TADA2A: variants seen among roughly 807,000 people sequenced by gnomAD.
The protein encoded by TADA2A is transcriptional adaptor 2A.
Under a neutral mutation model 67.4 loss-of-function variants are expected in TADA2A, and 38 were observed. That is an observed-to-expected ratio of 0.56 (90% CI 0.44 to 0.74). The LOEUF (loss-of-function observed/expected upper bound fraction) is 0.74, where lower values mean the gene tolerates loss of function less well. Ranked by LOEUF, TADA2A falls within the 30% of genes least tolerant of loss-of-function variation. The probability of loss-of-function intolerance (pLI) is 0.00; values close to 1 mark genes in which losing one functional copy is unlikely to be tolerated. For missense variants in TADA2A, 454 were observed against 547.0 expected, an observed-to-expected ratio of 0.83 and a Z score of 1.70; for synonymous variants, 192 against 181.6, an observed-to-expected ratio of 1.06 and a Z score of -0.46.
At chr17:37,466,344 C>G (rs777812064) in intron 11 of TADA2A, among the ~76,000 whole-genome samples, 1 of 152,124 alleles carries the variant, frequency 6.6e-6, no homozygotes, top group Non-Finnish European at 1.5e-5. Context: ...TGCTTGAACC[C>G]GGGTAGCCGA....
At chr17:37,417,332 C>T (rs559175963) in intron 2 of TADA2A, among the ~76,000 whole-genome samples, 15 of 149,728 alleles carry the variant, frequency 1.0e-4, no homozygotes, top group African/African-American at 2.9e-4. Context: ...GCTGAGATCG[C>T]GCCACTGCAC....
At chr17:37,437,874 A>G in intron 5 of TADA2A, 45 bp downstream of exon 5, 1 of 1,548,294 alleles carries the variant, frequency 6.5e-7, no homozygotes. Flanking sequence ...GTGGACTCAG[A>G]GAAGAAGCTG....
At chr17:37,468,830 TC>T (rs1469300479) in intron 12 of TADA2A, among the ~76,000 whole-genome samples, 2 of 152,180 alleles carry the variant, frequency 1.3e-5, no homozygotes, top group Non-Finnish European at 2.9e-5. Context: ...TAGCATTCCC[TC>T]CTTCTTCCTA....
chr17:37,470,547 C>T lies in TADA2A; in HGVS notation c.1028+15C>T. 1 of 1,530,640 alleles carries T rather than the reference C, an allele frequency of 6.5e-7. No homozygotes were observed. The highest frequency in any genetic ancestry group is 1.3e-5 in the South Asian group (1 of 76,986). The allele number at this position is 1,530,640 out of a possible 1,614,324, so 94.8% of individuals were successfully genotyped here. On this transcript the variant is annotated intron_variant, in intron 13 of 15. Coordinates refer to ENST00000615182, the MANE Select transcript of TADA2A (RefSeq NM_001166105.3). ...CAAGCTGACATGTGAGTAATTACTC[C>T]AGGGTGAAGGAGGCATTCTTTCTGG...
chr17:37,425,439 T>C (rs910070472), intron 3 of TADA2A, among the ~76,000 whole-genome samples: 8 of 152,190 alleles, frequency 5.3e-5, no homozygotes, highest in African/African-American at 1.9e-4. Context: ...GAAGTACCTA[T>C]GATTAGTATC....
chr17:37,455,129 T>C (rs977898673), intron 8 of TADA2A, among the ~76,000 whole-genome samples: 10 of 152,232 alleles, frequency 6.6e-5, no homozygotes, highest in Non-Finnish European at 1.5e-5. Context: ...CAAAGCTTAA[T>C]TGATAACTTA....
At chr17:37,467,353 C>G in intron 11 of TADA2A, 101 bp from the exon 12 acceptor site, 1 of 927,142 alleles carries the variant, frequency 1.1e-6, no homozygotes, top group Non-Finnish European at 1.7e-6. Flanking sequence ...CTTCCCTAGT[C>G]TTATAAGGCA....
intron 5 of TADA2A, among the ~76,000 whole-genome samples, chr17:37,439,650 C>G (rs1308456522): frequency 6.6e-6 from 1 of 152,092 alleles, no homozygotes; most frequent in East Asian, 1.9e-4. Flanking sequence ...GAGATAGTAA[C>G]AATATCCATA....
intron 8 of TADA2A, chr17:37,454,086 T>G (rs1472618657): frequency 6.6e-6 from 1 of 151,934 alleles, no homozygotes; most frequent in Non-Finnish European, 1.5e-5. Context: ...AAGAACTGAT[T>G]CTAATACGTA....
At chr17:37,425,952 CTT>C (rs1293589556) in intron 3 of TADA2A, among the ~76,000 whole-genome samples, 1 of 151,040 alleles carries the variant, frequency 6.6e-6, no homozygotes, top group Non-Finnish European at 1.5e-5. Context: ...ACTTCAGGGA[CTT>C]TTTATTTTTC....
intron 2 of TADA2A, among the ~76,000 whole-genome samples, chr17:37,414,510 C>A (rs1263212187): frequency 6.6e-6 from 1 of 152,158 alleles, no homozygotes; most frequent in Non-Finnish European, 1.5e-5. Flanking sequence ...ATCTTTTCAT[C>A]TACTAGAATA....
At chr17:37,426,749 G>A (rs1489484046) in intron 3 of TADA2A, 2 of 454,890 alleles carry the variant, frequency 4.4e-6, no homozygotes, top group South Asian at 7.5e-5. Flanking sequence ...GGAGACTGAG[G>A]TACAAGGATC....
chr17:37,411,681 C>T (rs1034498823), intron 2 of TADA2A, among the ~76,000 whole-genome samples: 9 of 151,842 alleles, frequency 5.9e-5, no homozygotes, highest in Non-Finnish European at 1.0e-4. Context: ...CCACCCACCT[C>T]GGCCTCCCAA....
At chr17:37,444,348 G>A (rs1259825662) in intron 7 of TADA2A, among the ~76,000 whole-genome samples, 1 of 151,748 alleles carries the variant, frequency 6.6e-6, no homozygotes, top group Non-Finnish European at 1.5e-5. Context: ...TTGAACTCCT[G>A]GTCTCAAGTG....
intron 4 of TADA2A, among the ~76,000 whole-genome samples, chr17:37,431,928 T>G (rs2052579951): frequency 6.6e-6 from 1 of 152,174 alleles, no homozygotes; most frequent in Non-Finnish European, 1.5e-5. Context: ...CATTTCATCT[T>G]TCAGTATTTC....
chr17:37,447,152 A>T (rs2147987256), intron 8 of TADA2A, among the ~76,000 whole-genome samples: 1 of 152,232 alleles, frequency 6.6e-6, no homozygotes, highest in Admixed American at 6.5e-5. Context: ...AGATGTTTAG[A>T]TGAGTGCTTT....
intron 6 of TADA2A, among the ~76,000 whole-genome samples, chr17:37,441,668 CTTT>C (rs34359729): frequency 1.3e-4 from 18 of 137,124 alleles, no homozygotes; most frequent in Admixed American, 2.2e-4. Flanking sequence ...GTAATACCTC[CTTT>C]TTTTTTTTTT....
intron 11 of TADA2A, 148 bp from the exon 12 acceptor site, chr17:37,467,306 A>G: frequency 3.3e-6 from 2 of 612,880 alleles, no homozygotes; most frequent in Non-Finnish European, 5.5e-6. Flanking sequence ...AAAATTTCTA[A>G]TGAGAAGTTA....
intron 8 of TADA2A, 22 bp from the exon 9 acceptor site, chr17:37,458,502 A>G (rs1343026300): frequency 8.3e-6 from 13 of 1,563,382 alleles, no homozygotes; most frequent in Middle Eastern, 2.0e-4. Context: ...TATATATAGT[A>G]TATGTATGAA....
Sources: gnomAD v4.1 joint callset for allele counts (sites outside exome capture counted in the v4.1 genomes callset) on GRCh38, gnomAD v4.1.1 for gene constraint, MANE v1.5 for transcripts, NCBI Gene and HGNC (gene_info 2026-07-23, HGNC 2026-07-21) for gene names.